Variants in IMPG2 observed in about 807,000 individuals in gnomAD.
IMPG2 encodes interphotoreceptor matrix proteoglycan 2, also known as IPM 200.
Under a neutral mutation model 129.2 loss-of-function variants are expected in IMPG2, and 91 were observed. The observed-to-expected ratio is 0.70, with a 90% CI of 0.59 to 0.84. The LOEUF is 0.84. Ranked by LOEUF, IMPG2 falls within the 40% of genes least tolerant of loss-of-function variation. The pLI is 0.00. For missense variants in IMPG2, 1,430 were observed against 1,461.7 expected, an observed-to-expected ratio of 0.98 and a Z score of 0.35; for synonymous variants, 510 against 517.7, an observed-to-expected ratio of 0.99 and a Z score of 0.20.
At chr3:101,249,926 C>T (rs552022666) in intron 11 of IMPG2, among the ~76,000 whole-genome samples, 47 of 152,044 alleles carry the variant, frequency 3.1e-4, no homozygotes, top group African/African-American at 1.1e-3. Context: ...AAAAAAATAG[C>T]TGGGTGCCTT....
chr3:101,232,074 A>G (rs780892525), intron 15 of IMPG2, among the ~76,000 whole-genome samples: 3 of 152,208 alleles, frequency 2.0e-5, no homozygotes, highest in Admixed American at 6.5e-5. Flanking sequence ...TAATTCAAGT[A>G]TAACAATAAA....
chr3:101,295,615 T>C (rs192584469), intron 3 of IMPG2, among the ~76,000 whole-genome samples: 1 of 152,208 alleles, frequency 6.6e-6, no homozygotes, highest in Admixed American at 6.5e-5. Context: ...GGTAGTTTGA[T>C]GGGAAGAGCA....
intron 8 of IMPG2, among the ~76,000 whole-genome samples, chr3:101,267,984 T>A (rs1486023921): frequency 2.6e-5 from 4 of 152,204 alleles, no homozygotes; most frequent in African/African-American, 4.8e-5. Flanking sequence ...ATATTTATTA[T>A]TTTATGTAGC....
At chr3:101,261,049 A>G (rs926981742) in intron 9 of IMPG2, among the ~76,000 whole-genome samples, 1 of 152,154 alleles carries the variant, frequency 6.6e-6, no homozygotes, top group Non-Finnish European at 1.5e-5. Flanking sequence ...AACCCTAAAG[A>G]ACGTTCGTAT....
At chr3:101,309,329 T>C (rs886195263) in intron 2 of IMPG2, among the ~76,000 whole-genome samples, 1 of 152,108 alleles carries the variant, frequency 6.6e-6, no homozygotes, top group Admixed American at 6.6e-5. Flanking sequence ...TGTGGAGAAA[T>C]ATCCAAGACT....
intron 10 of IMPG2, among the ~76,000 whole-genome samples, chr3:101,254,115 T>TA (rs1366151817): frequency 1.3e-5 from 2 of 152,068 alleles, no homozygotes; most frequent in Non-Finnish European, 2.9e-5. Flanking sequence ...AATTTTTAAG[T>TA]AAAAAAGTTG....
intron 18 of IMPG2, 90 bp from the exon 19 acceptor site, chr3:101,227,071 C>A: frequency 1.5e-6 from 2 of 1,308,514 alleles, no homozygotes; most frequent in South Asian, 1.2e-5. Flanking sequence ...AAGCTATACT[C>A]CTAAAATCAT....
chr3:101,287,391 T>C (rs1706959662), intron 4 of IMPG2, among the ~76,000 whole-genome samples: 2 of 152,148 alleles, frequency 1.3e-5, no homozygotes, highest in South Asian at 4.1e-4. Context: ...AAAAAGCTAC[T>C]TTAAAATTCA....
At chr3:101,296,612 T>C (rs1707082205) in intron 3 of IMPG2, among the ~76,000 whole-genome samples, 1 of 152,288 alleles carries the variant, frequency 6.6e-6, no homozygotes, top group East Asian at 1.9e-4. Context: ...TCCTTTTCAA[T>C]TGTTTGCAAT....
At chr3:101,229,322 T>TGCCCCC in intron 17 of IMPG2, 58 bp downstream of exon 17, 2 of 415,608 alleles carry the variant, frequency 4.8e-6, no homozygotes, top group Non-Finnish European at 4.3e-6. Context: ...CACCCCCTGC[T>TGCCCCC]CCCCCACACA....
intron 14 of IMPG2, among the ~76,000 whole-genome samples, chr3:101,239,529 T>G (rs1182305533): frequency 6.6e-6 from 1 of 152,216 alleles, no homozygotes; most frequent in Non-Finnish European, 1.5e-5. Flanking sequence ...AGTGTGGTGA[T>G]TCCTTAAGGA....
chr3:101,271,820 C>A (rs568469281), intron 7 of IMPG2, among the ~76,000 whole-genome samples: 1 of 152,314 alleles, frequency 6.6e-6, no homozygotes, highest in East Asian at 1.9e-4. Flanking sequence ...ACCTGATTTT[C>A]ATTTCTGTTC....
At chr3:101,277,037 A>C (rs1367735372) in intron 4 of IMPG2, among the ~76,000 whole-genome samples, 2 of 152,274 alleles carry the variant, frequency 1.3e-5, no homozygotes, top group East Asian at 1.9e-4. Flanking sequence ...CTAATGCCTT[A>C]GTCCTCTAGC....
chr3:101,314,938 C>T (rs1160577983), intron 2 of IMPG2, among the ~76,000 whole-genome samples: 2 of 152,050 alleles, frequency 1.3e-5, no homozygotes, highest in Non-Finnish European at 2.9e-5. Context: ...AAATTCCACA[C>T]CTGACCTCTT....
intron 4 of IMPG2, among the ~76,000 whole-genome samples, chr3:101,284,766 C>T (rs1706928002): frequency 6.6e-6 from 1 of 152,120 alleles, no homozygotes; most frequent in Non-Finnish European, 1.5e-5. Flanking sequence ...CTGTAGTTAC[C>T]ATCATCTCCT....
At chr3:101,248,070 C>T (rs1338876706) in intron 11 of IMPG2, among the ~76,000 whole-genome samples, 5 of 151,980 alleles carry the variant, frequency 3.3e-5, no homozygotes, top group African/African-American at 9.7e-5. Flanking sequence ...AGTCTATGGC[C>T]GTGAAATAAA....
chr3:101,302,530 G>T (rs1707149807), intron 3 of IMPG2, among the ~76,000 whole-genome samples: 1 of 152,124 alleles, frequency 6.6e-6, no homozygotes, highest in South Asian at 2.1e-4. Context: ...AGAGAACTGG[G>T]TTTGGATTTA....
At chr3:101,302,889 C>T (rs1458179256) in intron 3 of IMPG2, among the ~76,000 whole-genome samples, 1 of 152,126 alleles carries the variant, frequency 6.6e-6, no homozygotes, top group African/African-American at 2.4e-5. Flanking sequence ...TGTCTTTGGT[C>T]CACCCACGTT....
intron 7 of IMPG2, among the ~76,000 whole-genome samples, chr3:101,271,561 A>G (rs891221443): frequency 3.3e-5 from 5 of 152,202 alleles, no homozygotes; most frequent in Non-Finnish European, 7.3e-5. Flanking sequence ...TGGAGATTGT[A>G]AGATATTAAC....
Sources: allele counts gnomAD v4.1 joint callset (sites outside exome capture counted in the v4.1 genomes callset), GRCh38; gene constraint gnomAD v4.1.1; transcripts MANE v1.5; gene names NCBI Gene and HGNC (gene_info 2026-07-23, HGNC 2026-07-21).